Variants in MEIG1 observed in about 807,000 individuals in gnomAD.
The protein encoded by MEIG1 is meiosis/spermiogenesis associated 1, also known as meiosis expressed gene 1 protein homolog.
MEIG1 carries 12 observed loss-of-function variants against 11.3 expected under a neutral mutation model. The ratio of observed to expected loss-of-function variants is 1.07; its 90% CI spans 0.68 to 1.73. MEIG1 has a LOEUF of 1.73. Ranked by LOEUF, MEIG1 falls within the 40% of genes most tolerant of loss-of-function variation. The probability of loss-of-function intolerance (pLI) is 0.00; values close to 1 mark genes in which losing one functional copy is unlikely to be tolerated. For missense variants in MEIG1, 119 were observed against 104.9 expected (o/e 1.13, Z -0.59); for synonymous variants, 41 against 33.2 (o/e 1.24, Z -0.81).
rs553453494 is a variant in MEIG1 at position 14,971,538 on chromosome 10, G to A, written c.139-975G>A. ...AGCCTCGGAGACAGAGTGAGACCCT[G>A]TTTCAAAAAAAAAAATGGATTTCAA... On this transcript the variant is annotated intron_variant, in intron 2 of 2. Coordinates refer to ENST00000407572, the MANE Select transcript of MEIG1 (RefSeq NM_001080836.3). 2.7e-3 allele frequency among the ~76,000 whole-genome samples: 222 copies of A among 83,358 alleles called. 1 individual carries two copies. The highest frequency in any genetic ancestry group is 9.3e-3 in the African/African-American group (210 of 22,572). The allele number at this position is 83,358 out of a possible 152,430, so 54.7% of individuals were successfully genotyped here. A position where few individuals can be genotyped will look rare whatever the true frequency, so the allele number is the denominator to read the frequency against.
At chr10:14,981,442 C>T (rs1223495942) in intron 1 of MEIG1, among the ~76,000 whole-genome samples, 3 of 152,150 alleles carry the variant, frequency 2.0e-5, no homozygotes, top group Admixed American at 6.5e-5. Context: ...TTGATGTCCT[C>T]CTACAGTACA....
chr10:14,981,568 G>C (rs118143778), intron 1 of MEIG1, among the ~76,000 whole-genome samples: 4,052 of 151,758 alleles, frequency 0.027, 77 homozygotes, highest in South Asian at 0.052. Context: ...TTCAGCACCG[G>C]TATCTACAGG....
At chr10:14,966,681 A>C (rs1185221227) in intron 2 of MEIG1, 75 bp downstream of exon 2, 3 of 1,354,190 alleles carry the variant, frequency 2.2e-6, no homozygotes, top group Non-Finnish European at 3.1e-6. Context: ...ATAAACAACC[A>C]GAGAATAACT....
chr10:14,966,759 G>T (rs1392256647), intron 2 of MEIG1, among the ~76,000 whole-genome samples, 153 bp downstream of exon 2: 1 of 151,886 alleles, frequency 6.6e-6, no homozygotes, highest in East Asian at 1.9e-4. Context: ...TTTATTTTTT[G>T]AGACAGAGTC....
At chr10:14,981,044 A>C (rs1163031278) in intron 1 of MEIG1, among the ~76,000 whole-genome samples, 1 of 152,096 alleles carries the variant, frequency 6.6e-6, no homozygotes, top group African/African-American at 2.4e-5. Flanking sequence ...TCCATGGCGA[A>C]TGACAAGGAA....
At chr10:14,974,698 T>A (rs188592975), downstream of MEIG1, among the ~76,000 whole-genome samples, 196 of 152,222 alleles carry the variant, frequency 1.3e-3, no homozygotes, top group Middle Eastern at 3.4e-3. Context: ...TAATTCACAT[T>A]AAAGAGTTAT....
rs185740038 is a variant in MEIG1 at position 14,961,995 on chromosome 10, G to C, written c.-30+2438G>C. 3.0e-3 allele frequency among the ~76,000 whole-genome samples: 451 copies of C among 152,036 alleles called. 4 individuals are homozygous for C. The highest frequency in any genetic ancestry group is 0.011 in the African/African-American group (438 of 41,468). On this transcript the variant is annotated intron_variant, in intron 1 of 2. Coordinates refer to ENST00000407572, the MANE Select transcript of MEIG1 (RefSeq NM_001080836.3). ...GCTAATTTTATTTTTTGTAGAGATA[G>C]GGTCTCACTACGTTGCCCAGGCTGG...
intron 1 of MEIG1, among the ~76,000 whole-genome samples, chr10:14,982,709 G>T (rs55706505): frequency 0.028 from 4,280 of 151,950 alleles, 83 homozygotes; most frequent in Non-Finnish European, 0.041. Context: ...GTGGAATGAC[G>T]CAATGTTACC....
chr10:14,958,705 G>C (rs1180826104), upstream of MEIG1, among the ~76,000 whole-genome samples: 1 of 152,164 alleles, frequency 6.6e-6, no homozygotes, highest in Non-Finnish European at 1.5e-5. Flanking sequence ...GATCATCCTG[G>C]CTAACACGGT....
At chr10:14,976,793 A>G (rs1843214588), downstream of MEIG1, among the ~76,000 whole-genome samples, 1 of 152,000 alleles carries the variant, frequency 6.6e-6, no homozygotes, top group African/African-American at 2.4e-5. Context: ...ATTCTTCATA[A>G]TATTCCAGGA....
At chr10:14,977,419 CA>C (rs1050526854), downstream of MEIG1, among the ~76,000 whole-genome samples, 4 of 151,838 alleles carry the variant, frequency 2.6e-5, no homozygotes, top group Non-Finnish European at 4.4e-5. Context: ...TAGTAATATT[CA>C]GGGGGGATGT....
chr10:14,970,735 A>AGAT (rs1843139276), intron 2 of MEIG1, among the ~76,000 whole-genome samples: 1 of 152,238 alleles, frequency 6.6e-6, no homozygotes, highest in African/African-American at 2.4e-5. Flanking sequence ...ATGTGGACAC[A>AGAT]GATGGTATAT....
intron 2 of MEIG1, among the ~76,000 whole-genome samples, chr10:14,969,247 G>A (rs1843122687): frequency 6.6e-6 from 1 of 151,858 alleles, no homozygotes; most frequent in African/African-American, 2.4e-5. Flanking sequence ...AGGATTTTGA[G>A]ACCAGTCTGG....
Position 14,966,620 on chromosome 10 carries a change from C to T in MEIG1, c.138+14C>T. The T allele has an allele frequency of 6.3e-7, 1 of 1,599,048 alleles. No individual in the cohort carries two copies. Among genetic ancestry groups the T allele is most frequent in the Non-Finnish European group, 8.5e-7 (1 of 1,174,824 alleles). ...CAAGTTTCTATGGTAAGATTTCTGTCTCTACAAACCTCAACTCGAAATGTA... is the reference window on the plus strand; with the variant it reads ...CAAGTTTCTATGGTAAGATTTCTGTTTCTACAAACCTCAACTCGAAATGTA... On this transcript the variant is annotated intron_variant, in intron 2 of 2. Transcript: ENST00000407572.
intron 2 of MEIG1, among the ~76,000 whole-genome samples, chr10:14,968,437 G>C (rs1327360726): frequency 6.6e-6 from 1 of 152,066 alleles, no homozygotes. Flanking sequence ...GCAGTTAGCT[G>C]AGATCACACC....
chr10:14,984,003 C>T (rs1177071178), intron 1 of MEIG1, among the ~76,000 whole-genome samples: 1 of 151,966 alleles, frequency 6.6e-6, no homozygotes, highest in African/African-American at 2.4e-5. Context: ...ATAAACACTC[C>T]CGAGATATTG....
At chr10:14,964,272 C>G (rs1033066830) in intron 1 of MEIG1, among the ~76,000 whole-genome samples, 7 of 151,518 alleles carry the variant, frequency 4.6e-5, no homozygotes, top group Admixed American at 6.6e-5. Flanking sequence ...CTTTTTTTAC[C>G]AACCACTAAG....
intron 1 of MEIG1, among the ~76,000 whole-genome samples, chr10:14,961,734 C>G (rs1192286153): frequency 6.7e-6 from 1 of 150,014 alleles, no homozygotes; most frequent in East Asian, 2.0e-4. Context: ...CCTGCCTCGG[C>G]CTCCCAAAGT....
intron 1 of MEIG1, among the ~76,000 whole-genome samples, chr10:14,961,255 C>G (rs1234520048): frequency 6.6e-6 from 1 of 152,150 alleles, no homozygotes; most frequent in African/African-American, 2.4e-5. Context: ...ATACTGAATT[C>G]AAAGTGGAAA....
Sources: allele counts gnomAD v4.1 joint callset (sites outside exome capture counted in the v4.1 genomes callset), GRCh38; gene constraint gnomAD v4.1.1; transcripts MANE v1.5; gene names NCBI Gene and HGNC (gene_info 2026-07-23, HGNC 2026-07-21).